ZFHX3: variants seen among roughly 807,000 people sequenced by gnomAD.
ZFHX3 encodes the protein zinc finger homeobox protein 3.
A neutral mutation model predicts 279.1 loss-of-function variants in ZFHX3; 42 were observed. That is an observed-to-expected ratio of 0.15 (90% CI 0.12 to 0.19). ZFHX3 has a LOEUF of 0.19. Among genes scored for constraint, ZFHX3 ranks in the 10% least tolerant of loss-of-function variants. ZFHX3 has a pLI of 1.00. For missense variants in ZFHX3, 4,981 were observed against 4,754.0 expected (o/e 1.05, Z -1.40); for synonymous variants, 2,293 against 1,957.8 (o/e 1.17, Z -4.52).
intron 2 of ZFHX3, among the ~76,000 whole-genome samples, chr16:73,555,445 C>T (rs543272572): frequency 1.9e-4 from 29 of 152,066 alleles, no homozygotes; most frequent in African/African-American, 2.6e-4. Flanking sequence ...TGAGCCACCG[C>T]GCCCGGCCGC....
intron 4 of ZFHX3, among the ~76,000 whole-genome samples, chr16:73,265,339 C>G (rs1321600969): frequency 6.6e-6 from 1 of 152,062 alleles, no homozygotes; most frequent in Non-Finnish European, 1.5e-5. Flanking sequence ...AGGAGCCATG[C>G]TGGTGGGAGG....
chr16:73,239,825 A>G (rs1334642852), intron 5 of ZFHX3, among the ~76,000 whole-genome samples: 1 of 152,238 alleles, frequency 6.6e-6, no homozygotes, highest in African/African-American at 2.4e-5. Context: ...TTGGAAATGC[A>G]CTGATTCTTG....
chr16:73,446,559 A>G (rs1233082663), intron 3 of ZFHX3, among the ~76,000 whole-genome samples: 15 of 152,210 alleles, frequency 9.9e-5, no homozygotes, highest in Non-Finnish European at 2.1e-4. Context: ...TTGGATTACA[A>G]TTCAAAATGA....
rs1031301907 is a variant in ZFHX3, at chr16:73,019,360, G to A, written c.-50+28392C>T. On this transcript the variant is annotated intron_variant, in intron 1 of 9. Coordinates refer to ENST00000268489, the MANE Select transcript of ZFHX3 (RefSeq NM_006885.4). ...TGTCTGTGCGTGTGTGTGTGTGTGT[G>A]TGTGTGTGCGTGTGCGTGTGCGTGT... 7.9e-5 allele frequency among the ~76,000 whole-genome samples: 12 copies of A among 151,988 alleles called. No individual in the cohort carries two copies. In the East Asian group the frequency reaches 2.3e-3, roughly 29 times the overall value.
At chr16:72,886,045 G>A (rs991984838) in intron 4 of ZFHX3, among the ~76,000 whole-genome samples, 2 of 152,188 alleles carry the variant, frequency 1.3e-5, no homozygotes, top group African/African-American at 4.8e-5. Context: ...ATTCTACCAG[G>A]TCCATAATGT....
chr16:73,870,676 A>C (rs1407244922), intron 1 of ZFHX3, among the ~76,000 whole-genome samples: 2 of 152,158 alleles, frequency 1.3e-5, no homozygotes, highest in Non-Finnish European at 2.9e-5. Flanking sequence ...TCTGAGTTCT[A>C]TTCCCCAATT....
At chr16:73,569,353 G>A (rs1406967592) in intron 2 of ZFHX3, among the ~76,000 whole-genome samples, 2 of 151,084 alleles carry the variant, frequency 1.3e-5, no homozygotes, top group African/African-American at 4.9e-5. Context: ...TAAAAAGCCT[G>A]GCTTTTAATC....
chr16:73,723,037 A>G (rs778606583), intron 1 of ZFHX3, among the ~76,000 whole-genome samples: 1 of 152,128 alleles, frequency 6.6e-6, no homozygotes, highest in Non-Finnish European at 1.5e-5. Flanking sequence ...ACATAGTGCA[A>G]ATGTTCTCCT....
intron 4 of ZFHX3, among the ~76,000 whole-genome samples, chr16:73,272,445 C>T (rs2144981676): frequency 6.6e-6 from 1 of 152,216 alleles, no homozygotes; most frequent in Non-Finnish European, 1.5e-5. Flanking sequence ...TACATTAACT[C>T]CTGACGCAAA....
At chr16:73,632,669 C>T (rs544303205) in intron 2 of ZFHX3, among the ~76,000 whole-genome samples, 4 of 143,520 alleles carry the variant, frequency 2.8e-5, no homozygotes, top group South Asian at 2.2e-4. Flanking sequence ...CTGGCAACAG[C>T]GCAAGACTCT....
At position 72,795,973 on chromosome 16, in the gene ZFHX3, C is replaced by G. The variant is rs2035886609; in HGVS notation, c.6709G>C (p.Glu2237Gln). ...GAAGACCTCTTGCTTCCCCAGTACT[C>G]CTGCTTTGGAGGTTCCGGCGAAGGG... ...RPPSPEPPKQ[E>Q]YWGSKRSSRT... is the part of the protein sequence containing the mutation. The change falls in exon 9 of 10, where the codon GAG becomes CAG. Residue 2237 changes from glutamate to glutamine, a missense_variant. Physicochemically the swap from Glu to Gln is conservative, Grantham distance 29 (BLOSUM62 2). Coordinates refer to ENST00000268489, the MANE Select transcript of ZFHX3 (RefSeq NM_006885.4). 6.2e-7 allele frequency: 1 copy of G among 1,614,052 alleles called. No individual in the cohort carries two copies. Among genetic ancestry groups the G allele is most frequent in the Admixed American group, 1.7e-5 (1 of 60,002 alleles).
chr16:73,673,265 A>G (rs905109795), intron 2 of ZFHX3, among the ~76,000 whole-genome samples: 1 of 152,152 alleles, frequency 6.6e-6, no homozygotes, highest in African/African-American at 2.4e-5. Context: ...CTGTCCCGCT[A>G]ATTTTCCTAC....
intron 8 of ZFHX3, among the ~76,000 whole-genome samples, chr16:73,092,167 T>C (rs970596833): frequency 6.6e-6 from 1 of 152,188 alleles, no homozygotes; most frequent in South Asian, 2.1e-4. Context: ...TAGTGCGTAG[T>C]TGAACCAGAC....
chr16:73,031,037 C>A (rs1964680019), intron 1 of ZFHX3, among the ~76,000 whole-genome samples: 1 of 152,194 alleles, frequency 6.6e-6, no homozygotes, highest in Non-Finnish European at 1.5e-5. Context: ...CTAGCCTTGG[C>A]TTCTTTCTTA....
intron 2 of ZFHX3, among the ~76,000 whole-genome samples, chr16:73,635,313 T>C (rs1201075821): frequency 6.6e-6 from 1 of 152,200 alleles, no homozygotes; most frequent in Admixed American, 6.5e-5. Flanking sequence ...TGATATCCCT[T>C]CTTTCCCAAA....
In ZFHX3 at chr16:72,797,600, C is replaced by T. The variant is rs141822124; in HGVS notation, c.5082G>A (p.Gly1694=). The change falls in exon 9 of 10, where the codon GGG becomes GGA. Residue 1694 remains glycine, a synonymous_variant. Transcript: ENST00000268489. ...PTESVGMPPL[G]NPIGANIASP... ...AAGCAATGTTGGCACCAATAGGATT[C>T]CCCAGGGGTGGCATCCCTACACTCT... 1.0e-3 allele frequency: 1,614 copies of T among 1,614,038 alleles called. 1 individual carries two copies. Among genetic ancestry groups the T allele is most frequent in the Non-Finnish European group, 1.3e-3 (1,495 of 1,179,994 alleles).
intron 3 of ZFHX3, among the ~76,000 whole-genome samples, chr16:72,903,944 G>A (rs1161839180): frequency 1.3e-5 from 2 of 152,172 alleles, no homozygotes; most frequent in Middle Eastern, 3.2e-3. Context: ...TCAGCCCACT[G>A]GAAGCAGCTC....
intron 4 of ZFHX3, among the ~76,000 whole-genome samples, chr16:72,848,456 A>G (rs1183534063): frequency 6.6e-6 from 1 of 152,102 alleles, no homozygotes; most frequent in Non-Finnish European, 1.5e-5. Flanking sequence ...AATACCTAAC[A>G]ATGCAAAGGA....
At chr16:73,568,958 T>C (rs1041393798) in intron 2 of ZFHX3, among the ~76,000 whole-genome samples, 1 of 152,078 alleles carries the variant, frequency 6.6e-6, no homozygotes, top group South Asian at 2.1e-4. Context: ...CTCCGGCGAC[T>C]CAACTTCACA....
Sources: gnomAD v4.1 joint callset for allele counts (sites outside exome capture counted in the v4.1 genomes callset) on GRCh38, gnomAD v4.1.1 for gene constraint, MANE v1.5 for transcripts, NCBI Gene and HGNC (gene_info 2026-07-23, HGNC 2026-07-21) for gene names.